VEZF1: variants seen among roughly 807,000 people sequenced by gnomAD.
VEZF1 encodes the protein putative transcription factor DB1.
In VEZF1, 5 loss-of-function variants were observed where a neutral mutation model predicts 44.1. That is an observed-to-expected ratio of 0.11 (90% CI 0.06 to 0.24). The LOEUF is 0.24. Among genes scored for constraint, VEZF1 ranks in the 10% least tolerant of loss-of-function variants. The probability of loss-of-function intolerance (pLI) is 1.00; values close to 1 mark genes in which losing one functional copy is unlikely to be tolerated. For synonymous variants in VEZF1, 236 were observed against 233.1 expected, an observed-to-expected ratio of 1.01 and a Z score of -0.11; for missense variants, 358 against 641.8, an observed-to-expected ratio of 0.56 and a Z score of 4.78.
chr17:57,976,908 C>T (rs1190832417), intron 5 of VEZF1, among the ~76,000 whole-genome samples: 1 of 152,056 alleles, frequency 6.6e-6, no homozygotes, highest in Non-Finnish European at 1.5e-5. Flanking sequence ...AGAATTTTTA[C>T]TCTCTTATCT....
Position 57,973,101 on chromosome 17 carries a change from A to G in VEZF1, c.*1372T>C, listed in dbSNP as rs2075153468. The G allele has an allele frequency of 6.6e-6, 1 of 152,200 alleles. No individual in the cohort carries two copies. The highest frequency in any genetic ancestry group is 6.5e-5 in the Admixed American group (1 of 15,280). 9.4% of individuals were successfully genotyped at this position (152,200 alleles called of 1,614,324 possible). ...TTTAGTTAATTTTTTTTTTAACGCA[A>G]TGCTTTAAAAACAATGCGTGGCATG... On this transcript the variant is annotated 3_prime_UTR_variant, in exon 6 of 6. Transcript: ENST00000581208.
intron 1 of VEZF1, among the ~76,000 whole-genome samples, chr17:57,986,413 A>G (rs1307484074): frequency 6.6e-6 from 1 of 152,138 alleles, no homozygotes; most frequent in African/African-American, 2.4e-5. Flanking sequence ...TAACCATTTG[A>G]GCTTTTTTCT....
chr17:57,984,301 A>C (rs536827614), intron 1 of VEZF1, among the ~76,000 whole-genome samples: 17 of 152,318 alleles, frequency 1.1e-4, no homozygotes, highest in South Asian at 2.1e-4. Context: ...TTTTAGCCGC[A>C]ATGAAACCAA....
At chr17:57,976,293 G>C (rs949614530) in intron 5 of VEZF1, among the ~76,000 whole-genome samples, 1 of 152,170 alleles carries the variant, frequency 6.6e-6, no homozygotes, top group African/African-American at 2.4e-5. Context: ...CTTGAGTCAA[G>C]CAGCCCTTAC....
intron 1 of VEZF1, chr17:57,985,461 C>G (rs2075285997): frequency 8.2e-7 from 1 of 1,219,644 alleles, no homozygotes; most frequent in Non-Finnish European, 1.0e-6. Flanking sequence ...TTCCCAACTT[C>G]TTCTCTGGGG....
In VEZF1 at chr17:57,980,902, A is replaced by AT. The variant is rs1264064485; in HGVS notation, c.793-117dup. On this transcript the variant is annotated intron_variant, in intron 3 of 5. Transcript: ENST00000581208. ...CATCAGCAAGCTGACAACTAGTTGA[A>AT]TTTTAATTGCATATGTTACCTAGAA... 6.4e-6 allele frequency: 6 copies of AT among 938,876 alleles called. No individual in the cohort carries two copies. In the African/African-American group the frequency reaches 1.0e-4, roughly 16 times the overall value. 58.2% of individuals were successfully genotyped at this position (938,876 alleles called of 1,614,324 possible). A position where few individuals can be genotyped will look rare whatever the true frequency, so the allele number is the denominator to read the frequency against.
intron 3 of VEZF1, 150 bp from the exon 4 acceptor site, chr17:57,980,936 A>G: frequency 2.7e-6 from 2 of 733,196 alleles, no homozygotes; most frequent in Non-Finnish European, 2.2e-6. Flanking sequence ...AATCATAATC[A>G]TAATAAAACT....
Position 57,988,153 on chromosome 17 carries a change from C to CG in VEZF1, c.-43dup. 1.6e-6 allele frequency: 1 copy of CG among 632,054 alleles called. No homozygotes were observed. Among genetic ancestry groups the CG allele is most frequent in the Non-Finnish European group, 2.1e-6 (1 of 472,220 alleles). The allele number at this position is 632,054 out of a possible 1,614,324, so 39.2% of individuals were successfully genotyped here. ...CCCCCTCCTCCCCACTCCCCCCGCT[C>CG]GGGGAGCCTCCTCAGCCGGAGGAGG... On this transcript the variant is annotated 5_prime_UTR_variant, in exon 1 of 6. Coordinates refer to ENST00000581208, the MANE Select transcript of VEZF1 (RefSeq NM_007146.3).
Position 57,974,403 on chromosome 17 carries a change from T to A in VEZF1, c.*70A>T. ...CCCAATTTCATGGTTTACTTTTTGC[T>A]TTAATCAACTAAAAGTTAAGTTGCT... is the stretch of plus-strand genomic sequence containing the variant. On this transcript the variant is annotated 3_prime_UTR_variant, in exon 6 of 6. Transcript: ENST00000581208. 6.6e-7 allele frequency: 1 copy of A among 1,513,716 alleles called. No individual in the cohort carries two copies. The highest frequency in any genetic ancestry group is 8.9e-7 in the Non-Finnish European group (1 of 1,118,370). The allele number at this position is 1,513,716 out of a possible 1,614,324, so 93.8% of individuals were successfully genotyped here.
At chr17:57,975,730 G>C (rs2075183992) in intron 5 of VEZF1, among the ~76,000 whole-genome samples, 2 of 152,140 alleles carry the variant, frequency 1.3e-5, no homozygotes, top group African/African-American at 4.8e-5. Flanking sequence ...GCATACCAAA[G>C]AGAACTAGCT....
intron 5 of VEZF1, among the ~76,000 whole-genome samples, chr17:57,978,102 C>T (rs1598044739): frequency 6.6e-6 from 1 of 151,736 alleles, no homozygotes; most frequent in Admixed American, 6.6e-5. Context: ...ACCCGGGAGG[C>T]TGAGGCACAA....
rs576385534 is a variant in VEZF1 at position 57,979,986 on chromosome 17, A to C, written c.976+617T>G. On this transcript the variant is annotated intron_variant, in intron 4 of 5. Coordinates refer to ENST00000581208, the MANE Select transcript of VEZF1 (RefSeq NM_007146.3). The stretch of plus-strand genomic sequence containing the variant: ...ACTCCGTCTCAAAAAAAAAAAAAAA[A>C]AAAAACAAAAAAAACAGAAGTGAAT... Among the ~76,000 whole-genome samples, 56 of 150,982 alleles carry C rather than the reference A, an allele frequency of 3.7e-4. 1 individual carries two copies. In the South Asian group the frequency reaches 9.4e-3, roughly 25 times the overall value.
In VEZF1 at chr17:57,973,457, T is replaced by C. The variant is rs938698275; in HGVS notation, c.*1016A>G. ...GTTAGTGGTTAGAATAAAAACTGTA[T>C]ACAATTTAATATAAGACATAAACTC... On this transcript the variant is annotated 3_prime_UTR_variant, in exon 6 of 6. Transcript: ENST00000581208. 6.6e-6 allele frequency: 1 copy of C among 152,632 alleles called. No homozygotes were observed. The highest frequency in any genetic ancestry group is 1.5e-5 in the Non-Finnish European group (1 of 68,038). The allele number at this position is 152,632 out of a possible 1,614,324, so 9.5% of individuals were successfully genotyped here.
rs1172909122 is a variant in VEZF1, at chr17:57,973,468, A to G, written c.*1005T>C. The G allele has an allele frequency of 1.3e-5, 2 of 152,670 alleles. No homozygotes were observed. Among genetic ancestry groups the G allele is most frequent in the Non-Finnish European group, 2.9e-5 (2 of 68,050 alleles). The allele number at this position is 152,670 out of a possible 1,614,324, so 9.5% of individuals were successfully genotyped here. A position where few individuals can be genotyped will look rare whatever the true frequency, so the allele number is the denominator to read the frequency against. On this transcript the variant is annotated 3_prime_UTR_variant, in exon 6 of 6. Coordinates refer to ENST00000581208, the MANE Select transcript of VEZF1 (RefSeq NM_007146.3). ...GAATAAAAACTGTATACAATTTAAT[A>G]TAAGACATAAACTCTAGTGAGCAAC...
At chr17:57,984,095 G>A (rs906546671) in intron 1 of VEZF1, among the ~76,000 whole-genome samples, 2 of 152,220 alleles carry the variant, frequency 1.3e-5, no homozygotes, top group African/African-American at 4.8e-5. Flanking sequence ...ACTGAAGTCT[G>A]CATCTTTCAG....
At chr17:57,983,468 T>C (rs1012443861) in intron 1 of VEZF1, 75 bp from the exon 2 acceptor site, 22 of 1,309,162 alleles carry the variant, frequency 1.7e-5, no homozygotes, top group African/African-American at 8.9e-5. Flanking sequence ...CTCCAGACAA[T>C]AGAGACCAGA....
intron 4 of VEZF1, among the ~76,000 whole-genome samples, chr17:57,979,925 G>A (rs1480839104): frequency 2.0e-5 from 3 of 147,100 alleles, no homozygotes; most frequent in Admixed American, 6.9e-5. Flanking sequence ...AGCCGAGATC[G>A]TGCCATTGCA....
Position 57,974,659 on chromosome 17 carries a change from G to T in VEZF1, c.1380C>A (p.Leu460=). The change falls in exon 6 of 6, where the codon CTC becomes CTA. Residue 460 remains leucine, a synonymous_variant. Coordinates refer to ENST00000581208, the MANE Select transcript of VEZF1 (RefSeq NM_007146.3). ...SPLSMTSPLT[L]TTPVNLPTPV... The stretch of plus-strand genomic sequence containing the variant: ...GGGTGGGGAGGTTGACTGGGGTAGT[G>T]AGTGTTAAAGGAGAGGTCATGGATA... 1 of 1,614,146 alleles carries T rather than the reference G, an allele frequency of 6.2e-7. No individual in the cohort carries two copies. Among genetic ancestry groups the T allele is most frequent in the Non-Finnish European group, 8.5e-7 (1 of 1,180,026 alleles).
rs151306504 is a variant in VEZF1 at position 57,987,896 on chromosome 17, C to T, written c.33+183G>A. On this transcript the variant is annotated intron_variant, in intron 1 of 5. Coordinates refer to ENST00000581208, the MANE Select transcript of VEZF1 (RefSeq NM_007146.3). ...GCTATCTCCCCCGCACCCCGTGAGGCCGCCTCCTTTCACCTCAGCAGCCCC... is the reference window on the plus strand; with the variant it reads ...GCTATCTCCCCCGCACCCCGTGAGGTCGCCTCCTTTCACCTCAGCAGCCCC... Among the ~76,000 whole-genome samples, 788 of 152,008 alleles carry T rather than the reference C, an allele frequency of 5.2e-3. 8 individuals are homozygous for T. The highest frequency in any genetic ancestry group is 0.03 in the South Asian group (143 of 4,820).
Sources: gnomAD v4.1 joint callset for allele counts (sites outside exome capture counted in the v4.1 genomes callset) on GRCh38, gnomAD v4.1.1 for gene constraint, MANE v1.5 for transcripts, NCBI Gene and HGNC (gene_info 2026-07-23, HGNC 2026-07-21) for gene names.